The following SMIM35 variants were observed in gnomAD, a reference collection of about 807,000 sequenced individuals.
The protein encoded by SMIM35 is small integral membrane protein 35, also known as TMPRSS4 antisense RNA 1 (non-protein coding).
At chr11:118,053,327 C>T (rs1944251359) in intron 1 of SMIM35, among the ~76,000 whole-genome samples, 1 of 150,942 alleles carries the variant, frequency 6.6e-6, no homozygotes, top group African/African-American at 2.4e-5. Flanking sequence ...CACACACACA[C>T]ACACACACAC....
At chr11:118,034,251 T>A (rs1050947381) in intron 1 of SMIM35, among the ~76,000 whole-genome samples, 2 of 152,114 alleles carry the variant, frequency 1.3e-5, no homozygotes, top group Admixed American at 6.6e-5. Flanking sequence ...CACTCCAGGC[T>A]GGGCAATAAC....
At chr11:118,020,793 G>C (rs148416512) in intron 1 of SMIM35, among the ~76,000 whole-genome samples, 209 of 152,176 alleles carry the variant, frequency 1.4e-3, no homozygotes, top group African/African-American at 4.4e-3. Flanking sequence ...CTTACTTTCT[G>C]TTCTTATATG....
intron 1 of SMIM35, chr11:118,029,845 T>C (rs1015937685): frequency 4.0e-5 from 18 of 455,476 alleles, no homozygotes; most frequent in Non-Finnish European, 7.5e-5. Context: ...GTCTTAATGC[T>C]AGCATCTGCC....
intron 1 of SMIM35, among the ~76,000 whole-genome samples, chr11:118,055,264 G>A (rs1327983622): frequency 6.6e-6 from 1 of 152,058 alleles, no homozygotes; most frequent in African/African-American, 2.4e-5. Flanking sequence ...GCCTCTGAGT[G>A]GATCCCTCAA....
chr11:118,082,406 T>C (rs1392261036), intron 1 of SMIM35, among the ~76,000 whole-genome samples: 3 of 151,874 alleles, frequency 2.0e-5, no homozygotes, highest in African/African-American at 7.3e-5. Context: ...ACTAAAGATA[T>C]AAACATTAGC....
intron 1 of SMIM35, chr11:118,077,282 C>A: frequency 1.2e-6 from 2 of 1,600,430 alleles, no homozygotes; most frequent in Non-Finnish European, 1.7e-6. Flanking sequence ...ACAGGGAGAC[C>A]GGGAGGATCA....
intron 1 of SMIM35, among the ~76,000 whole-genome samples, chr11:118,046,193 T>C (rs1591296170): frequency 6.6e-6 from 1 of 152,214 alleles, no homozygotes; most frequent in East Asian, 1.9e-4. Flanking sequence ...CACCTACTGA[T>C]GACCAAAAGT....
chr11:118,028,108 G>A (rs2058289134), intron 1 of SMIM35, among the ~76,000 whole-genome samples: 1 of 152,290 alleles, frequency 6.6e-6, no homozygotes, highest in African/African-American at 2.4e-5. Context: ...GTTTACTGAT[G>A]GGCAGGATCA....
At chr11:118,052,271 C>T (rs778547233) in intron 1 of SMIM35, among the ~76,000 whole-genome samples, 16 of 152,140 alleles carry the variant, frequency 1.1e-4, no homozygotes, top group African/African-American at 2.2e-4. Flanking sequence ...CGGCCTTCTA[C>T]GGCTGCTCAG....
At chr11:118,080,135 A>G (rs1388086238) in intron 1 of SMIM35, among the ~76,000 whole-genome samples, 1 of 152,208 alleles carries the variant, frequency 6.6e-6, no homozygotes, top group Non-Finnish European at 1.5e-5. Context: ...CTCAACACAG[A>G]GTGTGACAAG....
intron 1 of SMIM35, among the ~76,000 whole-genome samples, chr11:118,037,333 T>G (rs754515857): frequency 2.0e-5 from 3 of 152,196 alleles, no homozygotes; most frequent in East Asian, 1.9e-4. Flanking sequence ...TTTACAGCTT[T>G]GATTCTGGAA....
At chr11:118,038,390 G>A (rs1943944576) in intron 1 of SMIM35, among the ~76,000 whole-genome samples, 1 of 152,282 alleles carries the variant, frequency 6.6e-6, no homozygotes. Context: ...GTGTAGCGCT[G>A]TTCTTTAATA....
rs748845935 is a variant in SMIM35, at chr11:118,053,330, ACACACAC to A, written c.7+33414_7+33420del. 2.9e-3 allele frequency among the ~76,000 whole-genome samples: 446 copies of A among 151,188 alleles called. 2 individuals are homozygous for A. Among genetic ancestry groups the A allele is most frequent in the Middle Eastern group, 6.8e-3 (2 of 294 alleles). ...AAAACACACACACACACACACACACACACACACACACACACACACACACAAAGCTTAC... is the reference window on the plus strand; with the variant it reads ...AAAACACACACACACACACACACACAACACACACACACACACAAAGCTTAC... On this transcript the variant is annotated intron_variant, in intron 1 of 4. Transcript: ENST00000689828.
intron 1 of SMIM35, among the ~76,000 whole-genome samples, chr11:118,041,124 A>C (rs1401056178): frequency 6.6e-6 from 1 of 152,172 alleles, no homozygotes; most frequent in Non-Finnish European, 1.5e-5. Context: ...ACTTAAAAAT[A>C]GTGAAAAAAT....
intron 1 of SMIM35, chr11:118,025,959 T>A: frequency 6.4e-6 from 2 of 314,206 alleles, no homozygotes; most frequent in Middle Eastern, 1.2e-3. Context: ...TATCTTGAGT[T>A]AACTTTTGTA....
intron 4 of SMIM35, among the ~76,000 whole-genome samples, chr11:118,006,672 A>G (rs1048389799): frequency 3.9e-5 from 6 of 152,220 alleles, no homozygotes; most frequent in African/African-American, 1.4e-4. Flanking sequence ...AACAGTGGTG[A>G]TGGTAGCTTG....
chr11:118,075,630 G>GT (rs1268368384), intron 1 of SMIM35, among the ~76,000 whole-genome samples: 10 of 95,608 alleles, frequency 1.0e-4, no homozygotes, highest in Admixed American at 1.2e-4. Flanking sequence ...CAAAATATTG[G>GT]GGTTGTTGTT....
intron 1 of SMIM35, among the ~76,000 whole-genome samples, chr11:118,045,330 G>GCACACACACACACACACACACACACA (rs34102097): frequency 1.4e-4 from 20 of 146,122 alleles, no homozygotes; most frequent in East Asian, 1.0e-3. Context: ...ATACACACAT[G>GCACACACACACACACACACACACACA]CACACACACA....
Position 118,010,640 on chromosome 11 carries a change from A to T in SMIM35, c.*33+3108T>A, listed in dbSNP as rs79487727. ...GGTTGGTGTCAAGTCTCAAGCCCTG[A>T]GCGAAGTCACAGCAAAGACGGACTT... On this transcript the variant is annotated intron_variant, in intron 4 of 4. Coordinates refer to ENST00000689828, the MANE Select transcript of SMIM35 (RefSeq NM_001394165.1). Among the ~76,000 whole-genome samples the T allele has an allele frequency of 6.3e-3, 960 of 152,302 alleles. 7 individuals are homozygous for T. The highest frequency in any genetic ancestry group is 9.7e-3 in the Non-Finnish European group (659 of 68,024).
Sources: gnomAD v4.1 joint callset for allele counts (sites outside exome capture counted in the v4.1 genomes callset) on GRCh38, gnomAD v4.1.1 for gene constraint, MANE v1.5 for transcripts, NCBI Gene and HGNC (gene_info 2026-07-23, HGNC 2026-07-21) for gene names.